Variants in RBFOX1 observed in about 807,000 individuals in gnomAD.
The protein encoded by RBFOX1 is RNA binding fox-1 homolog 1.
A neutral mutation model predicts 57.7 loss-of-function variants in RBFOX1; 8 were observed. The observed-to-expected ratio is 0.14, with a 90% CI of 0.08 to 0.25. The LOEUF (loss-of-function observed/expected upper bound fraction) is 0.25, where lower values mean the gene tolerates loss of function less well. RBFOX1 is among the 10% of genes least tolerant of loss of function. RBFOX1 has a pLI of 1.00. For missense variants in RBFOX1, 611 were observed against 548.5 expected (o/e 1.11, Z -1.14); for synonymous variants, 326 against 222.4 (o/e 1.47, Z -4.15).
At chr16:7,523,717 G>C (rs1192200556) in intron 5 of RBFOX1, among the ~76,000 whole-genome samples, 1 of 152,192 alleles carries the variant, frequency 6.6e-6, no homozygotes, top group Non-Finnish European at 1.5e-5. Flanking sequence ...TATTGGGTAA[G>C]TGCGGGAATC....
At chr16:5,417,890 G>A (rs1249143070) in intron 1 of RBFOX1, among the ~76,000 whole-genome samples, 1 of 152,104 alleles carries the variant, frequency 6.6e-6, no homozygotes, top group Non-Finnish European at 1.5e-5. Flanking sequence ...AGATCATCCT[G>A]GCGAACATAG....
At chr16:5,790,573 C>G (rs2054656879) in intron 3 of RBFOX1, among the ~76,000 whole-genome samples, 1 of 151,298 alleles carries the variant, frequency 6.6e-6, no homozygotes, top group Non-Finnish European at 1.5e-5. Context: ...GGAATAGGGA[C>G]CTTGATGCTT....
chr16:7,700,868 G>C (rs551243855), intron 14 of RBFOX1, among the ~76,000 whole-genome samples: 5 of 152,152 alleles, frequency 3.3e-5, no homozygotes, highest in Admixed American at 6.5e-5. Flanking sequence ...TGGTGGGCTA[G>C]AGAAAAGATG....
chr16:7,325,013 T>C, intron 4 of RBFOX1, among the ~76,000 whole-genome samples: 1 of 152,184 alleles, frequency 6.6e-6, no homozygotes. Flanking sequence ...AAGAAGGAGG[T>C]AAGCTCTTCA....
At chr16:6,859,152 T>TATATATATATAC (rs1491258507) in intron 3 of RBFOX1, among the ~76,000 whole-genome samples, 12 of 77,138 alleles carry the variant, frequency 1.6e-4, no homozygotes, top group African/African-American at 5.3e-4. Context: ...TATATATATA[T>TATATATATATAC]GTATATATAT....
At chr16:7,288,928 G>A (rs760020976) in intron 4 of RBFOX1, among the ~76,000 whole-genome samples, 80 of 152,200 alleles carry the variant, frequency 5.3e-4, no homozygotes, top group Non-Finnish European at 9.8e-4. Context: ...AACAACATTG[G>A]AATCGTTTGT....
intron 3 of RBFOX1, among the ~76,000 whole-genome samples, chr16:6,693,030 C>T (rs537695673): frequency 6.6e-6 from 1 of 152,012 alleles, no homozygotes; most frequent in South Asian, 2.1e-4. Flanking sequence ...TCAACATCAT[C>T]CCCATCCACT....
At chr16:7,266,183 C>T (rs1292987745) in intron 4 of RBFOX1, among the ~76,000 whole-genome samples, 2 of 151,844 alleles carry the variant, frequency 1.3e-5, no homozygotes, top group African/African-American at 4.8e-5. Context: ...CACTGTGTTA[C>T]CCAAGATAGT....
rs189456132 is a variant in RBFOX1, at chr16:6,585,596, G to A, written c.-63-69007G>A. On this transcript the variant is annotated intron_variant, in intron 2 of 15. Transcript: ENST00000550418. ...CGGTGGGCTGGGTAGGACTCTTCCA[G>A]TCTTGTGATAGTGCTGTGTTGCTGG... Among the ~76,000 whole-genome samples, 7 of 152,230 alleles carry A rather than the reference G, an allele frequency of 4.6e-5. No homozygotes were observed. The East Asian group carries it at 1.4e-3, about 30-fold the overall frequency.
At chr16:6,477,456 C>G (rs1441025937) in intron 2 of RBFOX1, among the ~76,000 whole-genome samples, 1 of 152,092 alleles carries the variant, frequency 6.6e-6, no homozygotes, top group African/African-American at 2.4e-5. Flanking sequence ...GATGTGTTGT[C>G]AATGAGCAGT....
At chr16:7,273,249 C>CCTTCCTTT (rs2095372189) in intron 4 of RBFOX1, among the ~76,000 whole-genome samples, 1 of 141,008 alleles carries the variant, frequency 7.1e-6, no homozygotes, top group Admixed American at 7.3e-5. Flanking sequence ...TTCCTTCCTT[C>CCTTCCTTT]CTTCCTTCCT....
intron 3 of RBFOX1, among the ~76,000 whole-genome samples, chr16:5,646,747 G>C (rs1206852538): frequency 6.6e-6 from 1 of 152,086 alleles, no homozygotes; most frequent in East Asian, 1.9e-4. Context: ...CCATTCTCCT[G>C]CCTTAGCCTC....
intron 4 of RBFOX1, among the ~76,000 whole-genome samples, chr16:7,158,429 A>G: frequency 6.6e-6 from 1 of 152,180 alleles, no homozygotes; most frequent in East Asian, 1.9e-4. Context: ...CTGGTCTTAT[A>G]CAGACATTGA....
At chr16:6,957,144 A>AT (rs946050145) in intron 3 of RBFOX1, among the ~76,000 whole-genome samples, 7 of 146,334 alleles carry the variant, frequency 4.8e-5, no homozygotes, top group Non-Finnish European at 1.1e-4. Context: ...TTATTTATTT[A>AT]TTTTTGAGAT....
chr16:6,864,989 C>CTTTTTTT (rs1555544471), intron 3 of RBFOX1, among the ~76,000 whole-genome samples: 3 of 105,806 alleles, frequency 2.8e-5, no homozygotes, highest in African/African-American at 1.1e-4. Context: ...GTGGGTTTTT[C>CTTTTTTT]TTTTTCTTTT....
At chr16:6,931,493 A>C (rs1017459278) in intron 3 of RBFOX1, among the ~76,000 whole-genome samples, 1 of 152,170 alleles carries the variant, frequency 6.6e-6, no homozygotes, top group Non-Finnish European at 1.5e-5. Context: ...AACCTACTAC[A>C]TCAATGAGAA....
intron 4 of RBFOX1, among the ~76,000 whole-genome samples, chr16:7,100,669 T>C (rs1336195764): frequency 6.6e-6 from 1 of 151,582 alleles, no homozygotes; most frequent in Non-Finnish European, 1.5e-5. Context: ...GTGATAAATA[T>C]TAATGAAATG....
intron 4 of RBFOX1, among the ~76,000 whole-genome samples, chr16:7,498,846 A>G (rs896024551): frequency 6.6e-6 from 1 of 152,210 alleles, no homozygotes; most frequent in Non-Finnish European, 1.5e-5. Flanking sequence ...CACAGAGAGC[A>G]AATGAGATCG....
intron 3 of RBFOX1, among the ~76,000 whole-genome samples, chr16:5,815,519 C>T (rs2055602340): frequency 6.6e-6 from 1 of 152,014 alleles, no homozygotes; most frequent in African/African-American, 2.4e-5. Flanking sequence ...AAGAAAAGGT[C>T]CAAATTCCGT....
Sources: allele counts gnomAD v4.1 joint callset (sites outside exome capture counted in the v4.1 genomes callset), GRCh38; gene constraint gnomAD v4.1.1; transcripts MANE v1.5; gene names NCBI Gene and HGNC (gene_info 2026-07-23, HGNC 2026-07-21).